Variants in RGS13 observed in about 807,000 individuals in gnomAD.
RGS13 encodes the protein regulator of G-protein signalling 13.
A neutral mutation model predicts 19.9 loss-of-function variants in RGS13; 14 were observed. The ratio of observed to expected loss-of-function variants is 0.70; its 90% CI spans 0.46 to 1.10. The LOEUF (loss-of-function observed/expected upper bound fraction) is 1.10, where lower values mean the gene tolerates loss of function less well. Ranked by LOEUF, RGS13 falls within the 50% of genes least tolerant of loss-of-function variation. The pLI, the probability that RGS13 is intolerant of heterozygous loss-of-function variation, is 0.00. For synonymous variants in RGS13, 60 were observed against 56.8 expected (o/e 1.06, Z -0.25); for missense variants, 205 against 187.1 (o/e 1.10, Z -0.56).
intron 4 of RGS13, chr1:192,646,752 T>A (rs1056435684): frequency 6.6e-6 from 1 of 152,182 alleles, no homozygotes; most frequent in African/African-American, 2.4e-5. Context: ...ACAGGCAGTA[T>A]TTGATTTTCT....
At chr1:192,653,476 A>G (rs886675795) in intron 5 of RGS13, among the ~76,000 whole-genome samples, 1 of 152,086 alleles carries the variant, frequency 6.6e-6, no homozygotes, top group African/African-American at 2.4e-5. Flanking sequence ...TTTTAAATCA[A>G]TTATTTTCCC....
At chr1:192,646,281 A>G (rs932513498) in intron 4 of RGS13, 5 of 152,102 alleles carry the variant, frequency 3.3e-5, no homozygotes, top group Non-Finnish European at 7.4e-5. Flanking sequence ...AATCTCTTTA[A>G]CTAATCCTCC....
intron 1 of RGS13, among the ~76,000 whole-genome samples, chr1:192,637,208 C>T (rs1663031188): frequency 1.3e-5 from 2 of 151,614 alleles, no homozygotes; most frequent in Non-Finnish European, 2.9e-5. Context: ...TCGTGGAGAC[C>T]TAAACTTGTT....
At chr1:192,642,754 G>C (rs1030223348) in intron 3 of RGS13, among the ~76,000 whole-genome samples, 1 of 152,084 alleles carries the variant, frequency 6.6e-6, no homozygotes, top group Non-Finnish European at 1.5e-5. Context: ...ACTTAACTGG[G>C]CTGCCTTCAC....
intron 5 of RGS13, among the ~76,000 whole-genome samples, chr1:192,649,052 T>C (rs4658065): frequency 0.16 from 24,992 of 152,054 alleles, 5,048 homozygotes; most frequent in African/African-American, 0.48. Flanking sequence ...TTACTTCTGC[T>C]TCATCCCTAG....
At chr1:192,647,899 A>G (rs752089639) in intron 4 of RGS13, 27 bp from the exon 5 acceptor site, 19 of 1,532,064 alleles carry the variant, frequency 1.2e-5, no homozygotes, top group Non-Finnish European at 1.3e-5. Flanking sequence ...ATTTAGCCCA[A>G]TCAGTGCTTT....
At chr1:192,645,978 G>A (rs1663213920) in intron 4 of RGS13, 3 of 152,134 alleles carry the variant, frequency 2.0e-5, no homozygotes, top group Admixed American at 2.0e-4. Flanking sequence ...GGAATGATTA[G>A]AACGGACAGG....
intron 5 of RGS13, among the ~76,000 whole-genome samples, chr1:192,653,637 T>G (rs913368692): frequency 5.3e-5 from 8 of 152,046 alleles, no homozygotes; most frequent in African/African-American, 1.7e-4. Context: ...ATATGATCAT[T>G]AAAAATGAAA....
At chr1:192,653,472 A>C (rs1663380547) in intron 5 of RGS13, among the ~76,000 whole-genome samples, 1 of 152,092 alleles carries the variant, frequency 6.6e-6, no homozygotes, top group Non-Finnish European at 1.5e-5. Flanking sequence ...TCTATTTTAA[A>C]TCAATTATTT....
intron 3 of RGS13, among the ~76,000 whole-genome samples, chr1:192,639,598 G>A (rs927610023): frequency 1.3e-5 from 2 of 152,114 alleles, no homozygotes; most frequent in South Asian, 2.1e-4. Flanking sequence ...GAAGAAATGC[G>A]GTCTAACAGA....
At chr1:192,658,737 T>C (rs1448630900) in intron 6 of RGS13, 1 of 186,348 alleles carries the variant, frequency 5.4e-6, no homozygotes, top group Admixed American at 5.3e-5. Flanking sequence ...TCCTGTGTTG[T>C]TGGGCAATGA....
intron 5 of RGS13, among the ~76,000 whole-genome samples, chr1:192,650,409 C>A (rs544801089): frequency 6.6e-6 from 1 of 152,078 alleles, no homozygotes; most frequent in South Asian, 2.1e-4. Context: ...ACTAAAAATA[C>A]AAATATTAAA....
At chr1:192,641,442 A>C (rs1262149446) in intron 3 of RGS13, among the ~76,000 whole-genome samples, 1 of 151,944 alleles carries the variant, frequency 6.6e-6, no homozygotes, top group Non-Finnish European at 1.5e-5. Flanking sequence ...AATTACAAGC[A>C]GGCTTTCATT....
intron 3 of RGS13, among the ~76,000 whole-genome samples, chr1:192,641,227 A>G (rs1356537280): frequency 0.078 from 1,236 of 15,788 alleles, 20 homozygotes; most frequent in East Asian, 0.29. Flanking sequence ...AAAGAGAGAA[A>G]GAAAGAAAGA....
At chr1:192,651,210 C>T (rs1476653316) in intron 5 of RGS13, among the ~76,000 whole-genome samples, 2 of 151,990 alleles carry the variant, frequency 1.3e-5, no homozygotes, top group Admixed American at 6.6e-5. Context: ...AGGAAGGAAG[C>T]TGTGAATTGT....
chr1:192,648,397 G>T (rs1186115511), intron 5 of RGS13, among the ~76,000 whole-genome samples: 1 of 152,148 alleles, frequency 6.6e-6, no homozygotes, highest in Admixed American at 6.6e-5. Flanking sequence ...TTCAGTGTCT[G>T]ATTTAAGTGG....
chr1:192,659,497 A>G lies in RGS13; in HGVS notation c.454A>G (p.Thr152Ala). ...KSEMYQKLLK[T>A]MQSNNSF is the part of the protein sequence containing the mutation. ...AGAAATGTACCAAAAACTTTTGAAA[A>G]CTATGCAGTCCAACAACAGTTTCTG... Residue 152 changes from threonine to alanine, a missense_variant, in exon 7 of 7, where the codon ACT becomes GCT. Coordinates refer to ENST00000391995, the MANE Select transcript of RGS13 (RefSeq NM_002927.5). 1 of 1,612,136 alleles carries G rather than the reference A, an allele frequency of 6.2e-7. No homozygotes were observed. Among genetic ancestry groups the G allele is most frequent in the Non-Finnish European group, 8.5e-7 (1 of 1,179,184 alleles).
intron 3 of RGS13, among the ~76,000 whole-genome samples, chr1:192,643,544 AC>A (rs148824244): frequency 0.033 from 5,021 of 152,212 alleles, 215 homozygotes; most frequent in East Asian, 0.11. Flanking sequence ...GATAAGCAGC[AC>A]CCTTAAAATT....
chr1:192,650,362 C>T (rs370351376), intron 5 of RGS13, among the ~76,000 whole-genome samples: 16 of 152,064 alleles, frequency 1.1e-4, no homozygotes, highest in Non-Finnish European at 1.6e-4. Flanking sequence ...AGTAATAAAA[C>T]GAATCATTCT....
Sources: allele counts gnomAD v4.1 joint callset (sites outside exome capture counted in the v4.1 genomes callset), GRCh38; gene constraint gnomAD v4.1.1; transcripts MANE v1.5; gene names NCBI Gene and HGNC (gene_info 2026-07-23, HGNC 2026-07-21).